The following ERN2 variants were observed in gnomAD, a reference collection of about 807,000 sequenced individuals.
ERN2 encodes serine/threonine-protein kinase/endoribonuclease IRE2.
ERN2 carries 111 observed loss-of-function variants against 107.9 expected under a neutral mutation model. The observed-to-expected ratio is 1.03, with a 90% CI of 0.88 to 1.20. The LOEUF (loss-of-function observed/expected upper bound fraction) is 1.20. Among genes scored for constraint, ERN2 ranks in the 50% most tolerant of loss-of-function variants. ERN2 has a pLI of 0.00. For missense variants in ERN2, 1,225 were observed against 1,197.9 expected, an observed-to-expected ratio of 1.02 and a Z score of -0.33; for synonymous variants, 524 against 501.7, an observed-to-expected ratio of 1.04 and a Z score of -0.59.
At chr16:23,693,603 T>A (rs532941849) in intron 17 of ERN2, among the ~76,000 whole-genome samples, 2,641 of 145,916 alleles carry the variant, frequency 0.018, 38 homozygotes, top group African/African-American at 0.046. Flanking sequence ...AAAAAAAAAA[T>A]ATATATATAT....
At chr16:23,696,202 C>T (rs967190597) in intron 13 of ERN2, among the ~76,000 whole-genome samples, 1 of 152,190 alleles carries the variant, frequency 6.6e-6, no homozygotes, top group African/African-American at 2.4e-5. Flanking sequence ...TCTGTGCCCT[C>T]GGTATTCTCA....
Position 23,691,120 on chromosome 16 carries a change from A to G in ERN2, c.2568+9T>C, listed in dbSNP as rs777799080. Reference sequence around the variant, plus strand: ...CAAGACCCAGGCCCACCCAGGCCCCAACACATACCTTGTTCCTCACAGCAC... The same window carrying G: ...CAAGACCCAGGCCCACCCAGGCCCCGACACATACCTTGTTCCTCACAGCAC... On this transcript the variant is annotated intron_variant, in intron 21 of 21. Transcript: ENST00000256797. 1 of 1,612,788 alleles carries G rather than the reference A, an allele frequency of 6.2e-7. No homozygotes were observed. The highest frequency in any genetic ancestry group is 8.5e-7 in the Non-Finnish European group (1 of 1,179,080).
chr16:23,710,235 A>G lies in ERN2; in HGVS notation c.243T>C (p.Phe81=), dbSNP rs376876013. ...EGPMYVTEMA[F]LSDPADGSLY... ...GGCTGCCATCTGCTGGGTCAGAGAG[A>G]AAGGCCATTCTGTGGAGCAGAGAGA... Residue 81 remains phenylalanine (F), a synonymous_variant, in exon 4 of 22, where the codon TTT becomes TTC. Coordinates refer to ENST00000256797, the MANE Select transcript of ERN2 (RefSeq NM_033266.4). 15 of 1,613,666 alleles carry G rather than the reference A, an allele frequency of 9.3e-6. No homozygotes were observed. Among genetic ancestry groups the G allele is most frequent in the Admixed American group, 1.7e-5 (1 of 60,000 alleles).
chr16:23,697,333 A>G (rs1327451716), intron 13 of ERN2: 1 of 152,172 alleles, frequency 6.6e-6, no homozygotes, highest in Non-Finnish European at 1.5e-5. Flanking sequence ...TTTGGTATAC[A>G]CTGGACTTTC....
Position 23,691,290 on chromosome 16 carries a change from T to C in ERN2, c.2500+12A>G, listed in dbSNP as rs1388475486. 1.2e-6 allele frequency: 2 copies of C among 1,612,212 alleles called. No individual in the cohort carries two copies. Among genetic ancestry groups the C allele is most frequent in the South Asian group, 2.2e-5 (2 of 91,080 alleles). ...CCTCCACCGCCCAGGCCCACCTGAG[T>C]ATGGCCTCTACCTGTCTGCAGCGGC... On this transcript the variant is annotated intron_variant, in intron 20 of 21. Coordinates refer to ENST00000256797, the MANE Select transcript of ERN2 (RefSeq NM_033266.4).
chr16:23,696,074 A>G (rs538008988), intron 13 of ERN2, 96 bp from the exon 14 acceptor site: 3 of 861,488 alleles, frequency 3.5e-6, no homozygotes, highest in Non-Finnish European at 3.9e-6. Flanking sequence ...CTGGGCCTCC[A>G]CCCTCCCATG....
chr16:23,698,689 A>C (rs1339216436), intron 13 of ERN2, among the ~76,000 whole-genome samples: 7 of 152,032 alleles, frequency 4.6e-5, no homozygotes, highest in African/African-American at 7.2e-5. Context: ...GGGTTTAAGC[A>C]ATTCTTGTAC....
chr16:23,706,932 C>A (rs966518696), intron 5 of ERN2, 71 bp from the exon 6 acceptor site: 1 of 1,576,306 alleles, frequency 6.3e-7, no homozygotes, highest in Non-Finnish European at 8.7e-7. Flanking sequence ...ACTCTTGTGC[C>A]TAATTAGCCG....
chr16:23,702,832 T>A, intron 8 of ERN2, 130 bp from the exon 9 acceptor site: 1 of 774,292 alleles, frequency 1.3e-6, no homozygotes, highest in Non-Finnish European at 2.2e-6. Flanking sequence ...CTTGCTTTAA[T>A]CAATTAGACA....
chr16:23,701,781 A>G (rs76635914), intron 11 of ERN2, among the ~76,000 whole-genome samples: 3,484 of 152,034 alleles, frequency 0.023, 62 homozygotes, highest in Non-Finnish European at 0.038. Flanking sequence ...AGATGCACAC[A>G]ACCATTCCCC....
chr16:23,708,816 C>A (rs562891854), intron 4 of ERN2, among the ~76,000 whole-genome samples: 1 of 152,158 alleles, frequency 6.6e-6, no homozygotes, highest in Admixed American at 6.5e-5. Context: ...GAGGTCTCTC[C>A]AGAAGCAGAA....
chr16:23,696,853 C>T (rs1454351102), intron 13 of ERN2: 2 of 152,096 alleles, frequency 1.3e-5, no homozygotes, highest in Non-Finnish European at 2.9e-5. Flanking sequence ...GAGTTTTTAG[C>T]TTCAGTTTTT....
At position 23,705,495 on chromosome 16, in the gene ERN2, G is replaced by C. The variant is rs116089351; in HGVS notation, c.590-348C>G. On this transcript the variant is annotated intron_variant, in intron 7 of 21. Transcript: ENST00000256797. ...GTGTGAGAGGGGTCAGTTGGGGCGAGTAGGTGACCTCACCTCTGCTGAGGT... is the reference window on the plus strand; with the variant it reads ...GTGTGAGAGGGGTCAGTTGGGGCGACTAGGTGACCTCACCTCTGCTGAGGT... 5.5e-3 allele frequency among the ~76,000 whole-genome samples: 838 copies of C among 151,952 alleles called. 9 individuals are homozygous for C. Among genetic ancestry groups the C allele is most frequent in the African/African-American group, 0.019 (806 of 41,372 alleles).
chr16:23,709,742 G>T (rs1230693753), intron 4 of ERN2: 2 of 185,794 alleles, frequency 1.1e-5, no homozygotes, highest in Admixed American at 5.4e-5. Flanking sequence ...GACCACACAT[G>T]CATGAACAAG....
At chr16:23,704,636 A>C (rs978301121) in intron 8 of ERN2, among the ~76,000 whole-genome samples, 1 of 152,158 alleles carries the variant, frequency 6.6e-6, no homozygotes, top group Non-Finnish European at 1.5e-5. Context: ...ACACCCTCCT[A>C]GGCCAGATCT....
In ERN2 at chr16:23,705,223, G is replaced by C. The variant is rs1046863078; in HGVS notation, c.590-76C>G. On this transcript the variant is annotated intron_variant, in intron 7 of 21. Coordinates refer to ENST00000256797, the MANE Select transcript of ERN2 (RefSeq NM_033266.4). ...GTCCAAGGGTGTGCCCTCTGGGTGAGGGGTCAGTCTGGTGTGTGGAGATCA... is the reference window on the plus strand; with the variant it reads ...GTCCAAGGGTGTGCCCTCTGGGTGACGGGTCAGTCTGGTGTGTGGAGATCA... 4.6e-6 allele frequency: 7 copies of C among 1,524,390 alleles called. No individual in the cohort carries two copies. The Admixed American group carries it at 1.2e-4, about 27-fold the overall frequency. The allele number at this position is 1,524,390 out of a possible 1,614,324, so 94.4% of individuals were successfully genotyped here.
In ERN2 at chr16:23,702,137, C is replaced by T. The variant is rs750508757; in HGVS notation, c.1203+15G>A. The T allele has an allele frequency of 1.2e-6, 2 of 1,607,334 alleles. No homozygotes were observed. Among genetic ancestry groups the T allele is most frequent in the African/African-American group, 1.3e-5 (1 of 74,688 alleles). Reference sequence around the variant, plus strand: ...GGGCCTCCCTACCCCCACTCTCTCCCCTCCCAGCACTGACCTCCAAGAAGA... The same window carrying T: ...GGGCCTCCCTACCCCCACTCTCTCCTCTCCCAGCACTGACCTCCAAGAAGA... On this transcript the variant is annotated intron_variant, in intron 11 of 21. Coordinates refer to ENST00000256797, the MANE Select transcript of ERN2 (RefSeq NM_033266.4).
intron 17 of ERN2, 37 bp from the exon 18 acceptor site, chr16:23,692,368 T>C: frequency 6.2e-7 from 1 of 1,603,942 alleles, no homozygotes; most frequent in Non-Finnish European, 8.5e-7. Flanking sequence ...AGGAAATCTC[T>C]GCTTCCAGGA....
In ERN2 at chr16:23,702,257, G is replaced by A. The variant is rs1266738355; in HGVS notation, c.1098C>T (p.Pro366=). ...QWLLIGHHEL[P]PVLHTTMLRV... ...TCAGCATGGTGGTGTGCAGGACTGG[G>A]GGTAGCTCGTGGTGTCCTAAGGTGG... The change falls in exon 11 of 22, where the codon CCC becomes CCT. Residue 366 remains proline, a synonymous_variant. Transcript: ENST00000256797. 6.2e-7 allele frequency: 1 copy of A among 1,614,176 alleles called. No homozygotes were observed. The highest frequency in any genetic ancestry group is 1.3e-5 in the African/African-American group (1 of 75,046).
Sources: gnomAD v4.1 joint callset for allele counts (sites outside exome capture counted in the v4.1 genomes callset) on GRCh38, gnomAD v4.1.1 for gene constraint, MANE v1.5 for transcripts, NCBI Gene and HGNC (gene_info 2026-07-23, HGNC 2026-07-21) for gene names.